The following FIGNL2 variants were observed in gnomAD, a reference collection of about 807,000 sequenced individuals.
FIGNL2 encodes the protein fidgetin like 2.
For missense variants in FIGNL2, 1,060 were observed against 950.2 expected, an observed-to-expected ratio of 1.12 and a Z score of -1.52; for synonymous variants, 565 against 484.0, an observed-to-expected ratio of 1.17 and a Z score of -2.20.
chr12:51,841,290 C>T (rs555720981), intron 1 of FIGNL2: 1 of 152,476 alleles, frequency 6.6e-6, no homozygotes, highest in South Asian at 2.1e-4. Context: ...TCCTGTCTGC[C>T]TGCTCCCATA....
chr12:51,843,147 G>T (rs903036553), intron 1 of FIGNL2, among the ~76,000 whole-genome samples: 6 of 152,238 alleles, frequency 3.9e-5, no homozygotes, highest in Admixed American at 3.9e-4. Flanking sequence ...GGAGGCTCAG[G>T]AAGGCCAATC....
intron 1 of FIGNL2, among the ~76,000 whole-genome samples, chr12:51,839,864 C>T (rs149667928): frequency 4.6e-5 from 7 of 152,238 alleles, no homozygotes; most frequent in African/African-American, 1.7e-4. Context: ...TCTACCCTGA[C>T]CTGCTCCTTC....
At chr12:51,833,135 C>T (rs1162550142) in intron 1 of FIGNL2, among the ~76,000 whole-genome samples, 1 of 152,062 alleles carries the variant, frequency 6.6e-6, no homozygotes, top group African/African-American at 2.4e-5. Flanking sequence ...GCAGCCTGGA[C>T]CTCCCAGGCT....
Position 51,820,898 on chromosome 12 carries a change from C to T in FIGNL2, c.1516G>A (p.Ala506Thr). The change falls in exon 2 of 2, where the codon GCA becomes ACA. Residue 506 changes from alanine to threonine, a missense_variant. By Grantham distance (58) the Ala-to-Thr change is moderately conservative. Coordinates refer to ENST00000618634, the MANE Select transcript of FIGNL2 (RefSeq NM_001384995.1). ...LLPARDDGAA[A>T]GGALQVPLLA... ...AGCGGCACCTGCAGCGCGCCCCCTG[C>T]CGCCGCGCCGTCGTCCCGGGCGGGG... 1 of 1,339,310 alleles carries T rather than the reference C, an allele frequency of 7.5e-7. No individual in the cohort carries two copies. Among genetic ancestry groups the T allele is most frequent in the Non-Finnish European group, 9.5e-7 (1 of 1,053,508 alleles). The allele number at this position is 1,339,310 out of a possible 1,614,324, so 83.0% of individuals were successfully genotyped here. A position where few individuals can be genotyped will look rare whatever the true frequency, so the allele number is the denominator to read the frequency against.
Position 51,820,468 on chromosome 12 carries a change from T to A in FIGNL2, c.1946A>T (p.Tyr649Phe). The A allele has an allele frequency of 6.3e-7, 1 of 1,590,150 alleles. No homozygotes were observed. Among genetic ancestry groups the A allele is most frequent in the Non-Finnish European group, 8.5e-7 (1 of 1,175,946 alleles). ...LDSFVEWDKM[Y>F]GSGH ...CGCGCGCCGTCAGTGTCCGGAGCCG[T>A]ACATTTTGTCCCACTCCACGAACGA... Residue 649 changes from tyrosine (Y) to phenylalanine (F), a missense_variant, in exon 2 of 2, where the codon TAC (tyrosine) becomes TTC (phenylalanine). Tyr to Phe is a conservative substitution (Grantham distance 22, BLOSUM62 3). Coordinates refer to ENST00000618634, the MANE Select transcript of FIGNL2 (RefSeq NM_001384995.1).
intron 1 of FIGNL2, among the ~76,000 whole-genome samples, chr12:51,832,090 C>T (rs996167293): frequency 3.9e-5 from 6 of 152,176 alleles, no homozygotes; most frequent in East Asian, 1.9e-4. Context: ...GATCTTGCCT[C>T]GCTGCAACCT....
chr12:51,836,360 C>G (rs1363002178), intron 1 of FIGNL2, among the ~76,000 whole-genome samples: 1 of 152,160 alleles, frequency 6.6e-6, no homozygotes, highest in Non-Finnish European at 1.5e-5. Flanking sequence ...CTCCCCCACC[C>G]CGCCCACCAT....
Position 51,821,337 on chromosome 12 carries a change from G to C in FIGNL2, c.1077C>G (p.Phe359Leu), listed in dbSNP as rs1430365123. Residue 359 changes from phenylalanine to leucine, a missense_variant, in exon 2 of 2, where the codon TTC becomes TTG. Physicochemically the swap from Phe to Leu is conservative, Grantham distance 22. Coordinates refer to ENST00000618634, the MANE Select transcript of FIGNL2 (RefSeq NM_001384995.1). ...TGGGAGTCTCCCCCGACGGCACGGC[G>C]AACCCCCCACGAGGAGCCGGGGCCC... ...PERAPAPRGGFAVPSGETPKG... is the reference protein window; with the variant it reads ...PERAPAPRGGLAVPSGETPKG... The C allele has an allele frequency of 2.0e-6, 3 of 1,501,022 alleles. No homozygotes were observed. The highest frequency in any genetic ancestry group is 2.7e-6 in the Non-Finnish European group (3 of 1,130,152). The allele number at this position is 1,501,022 out of a possible 1,614,324, so 93.0% of individuals were successfully genotyped here.
chr12:51,831,686 T>G (rs1233684089), intron 1 of FIGNL2: 1 of 153,480 alleles, frequency 6.5e-6, no homozygotes, highest in Non-Finnish European at 1.5e-5. Flanking sequence ...CTGTCTGAAG[T>G]CTCCCTCTTG....
intron 1 of FIGNL2, among the ~76,000 whole-genome samples, chr12:51,829,742 T>A (rs1174446262): frequency 7.0e-6 from 1 of 143,558 alleles, no homozygotes. Context: ...GAAAACAAAG[T>A]GTTTCCTCAG....
At chr12:51,840,713 C>T (rs1939646621) in intron 1 of FIGNL2, among the ~76,000 whole-genome samples, 1 of 152,198 alleles carries the variant, frequency 6.6e-6, no homozygotes, top group Non-Finnish European at 1.5e-5. Flanking sequence ...CCAGCCTGGG[C>T]AACAGAGCAA....
intron 1 of FIGNL2, chr12:51,847,274 G>A: frequency 1.0e-6 from 1 of 985,378 alleles, no homozygotes; most frequent in Non-Finnish European, 1.2e-6. Flanking sequence ...TGGCATCTGC[G>A]GGCCCAGCCC....
At chr12:51,832,080 G>A (rs577233569) in intron 1 of FIGNL2, among the ~76,000 whole-genome samples, 18 of 152,246 alleles carry the variant, frequency 1.2e-4, no homozygotes, top group African/African-American at 3.9e-4. Flanking sequence ...GCAGTGTCAC[G>A]ATCTTGCCTC....
Position 51,847,128 on chromosome 12 carries a change from G to A in FIGNL2, c.-12+1412C>T, listed in dbSNP as rs183881035. On this transcript the variant is annotated intron_variant, in intron 1 of 1. Transcript: ENST00000618634. ...CAGCCCGGCGCGCCCGTCCTTGGGG[G>A]CTCAGGCACAGCGGGGAATGGCGTC... 2.3e-3 allele frequency: 2,290 copies of A among 985,398 alleles called. 40 individuals carry two copies. The African/African-American group carries it at 0.037, about 16-fold the overall frequency. The allele number at this position is 985,398 out of a possible 1,614,324, so 61.0% of individuals were successfully genotyped here.
Position 51,835,792 on chromosome 12 carries a change from C to T in FIGNL2, c.-12+12748G>A, listed in dbSNP as rs1000606913. ...TTAAGGTCTTTAGGTAGACTTCCTG[C>T]GGATCTAGACTTCTTTTTTTTTTTT... On this transcript the variant is annotated intron_variant, in intron 1 of 1. Coordinates refer to ENST00000618634, the MANE Select transcript of FIGNL2 (RefSeq NM_001384995.1). Among the ~76,000 whole-genome samples the T allele has an allele frequency of 1.2e-4, 17 of 147,018 alleles. No individual in the cohort carries two copies. In the East Asian group the frequency reaches 1.6e-3, roughly 14 times the overall value.
intron 1 of FIGNL2, among the ~76,000 whole-genome samples, chr12:51,829,714 A>G (rs1939414737): frequency 6.6e-6 from 1 of 151,858 alleles, no homozygotes; most frequent in South Asian, 2.1e-4. Context: ...TGCAGACTTG[A>G]TCAGCTAACA....
chr12:51,825,681 A>T (rs1446868934), intron 1 of FIGNL2: 1 of 147,496 alleles, frequency 6.8e-6, no homozygotes. Flanking sequence ...CAGTGGCGCG[A>T]TCTCGGCTCA....
chr12:51,826,172 C>A (rs1006825711), intron 1 of FIGNL2, among the ~76,000 whole-genome samples: 3 of 3,488 alleles, frequency 8.6e-4, no homozygotes, highest in South Asian at 4.2e-3. Context: ...GCTGGGCCCG[C>A]CCCCCCCACA....
chr12:51,839,486 C>A (rs1939627206), intron 1 of FIGNL2, among the ~76,000 whole-genome samples: 1 of 152,196 alleles, frequency 6.6e-6, no homozygotes, highest in African/African-American at 2.4e-5. Flanking sequence ...TCTCTGCCTT[C>A]CTAATCCTTC....
Sources: gnomAD v4.1 joint callset for allele counts (sites outside exome capture counted in the v4.1 genomes callset) on GRCh38, gnomAD v4.1.1 for gene constraint, MANE v1.5 for transcripts, NCBI Gene and HGNC (gene_info 2026-07-23, HGNC 2026-07-21) for gene names.